Variants in TCP11L2 observed in about 807,000 individuals in gnomAD.
The protein encoded by TCP11L2 is t-complex 11 like 2, also known as T-complex protein 11-like protein 2.
In TCP11L2, 39 loss-of-function variants were observed where a neutral mutation model predicts 50.7. That is an observed-to-expected ratio of 0.77 (90% CI 0.60 to 1.01). TCP11L2 has a LOEUF of 1.01. Ranked by LOEUF, TCP11L2 falls within the 50% of genes least tolerant of loss-of-function variation. The pLI is 0.00. For synonymous variants in TCP11L2, 192 were observed against 219.3 expected (o/e 0.88, Z 1.10); for missense variants, 612 against 614.7 (o/e 1.00, Z 0.05).
At chr12:106,313,570 C>T (rs967369652) in intron 2 of TCP11L2, among the ~76,000 whole-genome samples, 16 of 124,768 alleles carry the variant, frequency 1.3e-4, no homozygotes, top group Non-Finnish European at 2.1e-4. Flanking sequence ...CAGAGTGAGA[C>T]TCCATCTCAA....
In TCP11L2 at chr12:106,346,348, C is replaced by T. The variant is rs138179809; in HGVS notation, c.1378C>T (p.Pro460Ser). The T allele has an allele frequency of 4.3e-6, 7 of 1,613,926 alleles. No individual in the cohort carries two copies. Among genetic ancestry groups the T allele is most frequent in the South Asian group, 1.1e-5 (1 of 91,076 alleles). The change falls in exon 10 of 10, where the codon CCT becomes TCT. Residue 460 changes from proline (P) to serine (S), a missense_variant. Coordinates refer to ENST00000299045, the MANE Select transcript of TCP11L2 (RefSeq NM_152772.3). Reference sequence around the variant, plus strand: ...TCTTCCAAGCCCTCAAAAATGCATGCCTCCTATGCCAGGAGGCCTAGCTGT... The same window carrying T: ...TCTTCCAAGCCCTCAAAAATGCATGTCTCCTATGCCAGGAGGCCTAGCTGT... ...LCLPSPQKCM[P>S]PMPGGLAVIQ...
chr12:106,313,255 C>T (rs1288620077), intron 2 of TCP11L2, among the ~76,000 whole-genome samples: 1 of 152,070 alleles, frequency 6.6e-6, no homozygotes, highest in African/African-American at 2.4e-5. Flanking sequence ...CAGAGTGAAC[C>T]TAAGTGTTTA....
At chr12:106,328,950 G>C (rs772828095) in intron 6 of TCP11L2, among the ~76,000 whole-genome samples, 1 of 152,066 alleles carries the variant, frequency 6.6e-6, no homozygotes, top group African/African-American at 2.4e-5. Context: ...GACTCTGCTC[G>C]GCCAGCCCCT....
chr12:106,308,357 C>T (rs2034715025), intron 1 of TCP11L2, among the ~76,000 whole-genome samples: 1 of 152,138 alleles, frequency 6.6e-6, no homozygotes. Context: ...GGCCACAAAC[C>T]CTGGACTCCT....
chr12:106,298,181 A>G (rs1222713791), upstream of TCP11L2, among the ~76,000 whole-genome samples: 3 of 152,230 alleles, frequency 2.0e-5, no homozygotes, highest in South Asian at 2.1e-4. Context: ...TCAAGCATCA[A>G]TTAATAGTCA....
At chr12:106,298,980 C>A (rs778773464), upstream of TCP11L2, among the ~76,000 whole-genome samples, 3 of 151,828 alleles carry the variant, frequency 2.0e-5, no homozygotes, top group East Asian at 5.8e-4. Context: ...CCATGCCTGG[C>A]TAATTTTTTG....
At chr12:106,330,931 T>G (rs2035727976) in intron 6 of TCP11L2, among the ~76,000 whole-genome samples, 1 of 152,252 alleles carries the variant, frequency 6.6e-6, no homozygotes, top group African/African-American at 2.4e-5. Flanking sequence ...AATATTTAAG[T>G]GCCATATGCT....
At chr12:106,334,542 CTT>C (rs1310628530) in intron 6 of TCP11L2, among the ~76,000 whole-genome samples, 1 of 152,188 alleles carries the variant, frequency 6.6e-6, no homozygotes, top group African/African-American at 2.4e-5. Flanking sequence ...CATTCACTCT[CTT>C]GTTTGAACCA....
chr12:106,346,243 C>T (rs768730245), intron 9 of TCP11L2, 43 bp from the exon 10 acceptor site: 1 of 1,551,732 alleles, frequency 6.4e-7, no homozygotes, highest in Admixed American at 2.1e-5. Flanking sequence ...AAATTATGTA[C>T]TTTAATAATG....
chr12:106,317,240 G>T (rs1269401235), intron 3 of TCP11L2, among the ~76,000 whole-genome samples: 2 of 152,354 alleles, frequency 1.3e-5, no homozygotes, highest in African/African-American at 2.4e-5. Flanking sequence ...TCTTAGCCGG[G>T]CGCAGTGGCT....
intron 4 of TCP11L2, 76 bp from the exon 5 acceptor site, chr12:106,321,410 A>T: frequency 1.5e-6 from 2 of 1,307,252 alleles, no homozygotes; most frequent in Non-Finnish European, 2.1e-6. Context: ...GAGCTTGGTC[A>T]TCTAGACACT....
At chr12:106,319,917 T>G (rs2035274434) in intron 4 of TCP11L2, among the ~76,000 whole-genome samples, 1 of 152,272 alleles carries the variant, frequency 6.6e-6, no homozygotes. Flanking sequence ...ATATTCTATA[T>G]GTAAAATATA....
intron 4 of TCP11L2, 56 bp downstream of exon 4, chr12:106,318,520 A>G: frequency 1.9e-6 from 3 of 1,602,648 alleles, no homozygotes; most frequent in East Asian, 4.5e-5. Flanking sequence ...GGGCTGCTAT[A>G]ACAGACTGGC....
At chr12:106,327,818 T>G (rs2035611998) in intron 6 of TCP11L2, among the ~76,000 whole-genome samples, 1 of 152,194 alleles carries the variant, frequency 6.6e-6, no homozygotes, top group African/African-American at 2.4e-5. Context: ...AGGAAAATAT[T>G]TTATTTTGCC....
intron 9 of TCP11L2, among the ~76,000 whole-genome samples, chr12:106,343,534 C>A (rs979962179): frequency 6.6e-6 from 1 of 152,120 alleles, no homozygotes; most frequent in Non-Finnish European, 1.5e-5. Context: ...GGATCATAAT[C>A]CCCAATTCCC....
At chr12:106,331,579 G>A (rs1174842910) in intron 6 of TCP11L2, among the ~76,000 whole-genome samples, 1 of 152,142 alleles carries the variant, frequency 6.6e-6, no homozygotes, top group African/African-American at 2.4e-5. Flanking sequence ...TGCCAGAAAC[G>A]GTTCTAAGTG....
At chr12:106,342,153 T>A (rs2036109889) in intron 9 of TCP11L2, among the ~76,000 whole-genome samples, 1 of 152,210 alleles carries the variant, frequency 6.6e-6, no homozygotes, top group South Asian at 2.1e-4. Flanking sequence ...AGGACTAATC[T>A]GCAAATTTTC....
intron 6 of TCP11L2, among the ~76,000 whole-genome samples, chr12:106,333,442 C>G (rs1366377861): frequency 6.6e-6 from 1 of 152,102 alleles, no homozygotes; most frequent in East Asian, 1.9e-4. Flanking sequence ...CAAACTGATT[C>G]ATGCAGTTAG....
chr12:106,341,248 CAG>C (rs2036087103), intron 9 of TCP11L2, among the ~76,000 whole-genome samples: 1 of 152,138 alleles, frequency 6.6e-6, no homozygotes, highest in Non-Finnish European at 1.5e-5. Flanking sequence ...ACAAGAATAA[CAG>C]AGTGCTGGAG....
Sources: gnomAD v4.1 joint callset for allele counts (sites outside exome capture counted in the v4.1 genomes callset) on GRCh38, gnomAD v4.1.1 for gene constraint, MANE v1.5 for transcripts, NCBI Gene and HGNC (gene_info 2026-07-23, HGNC 2026-07-21) for gene names.